The following VEPH1 variants were observed in gnomAD, a reference collection of about 807,000 sequenced individuals.
The protein encoded by VEPH1 is ventricular zone expressed PH domain containing 1.
A neutral mutation model predicts 85.2 loss-of-function variants in VEPH1; 80 were observed. That is an observed-to-expected ratio of 0.94 (90% CI 0.78 to 1.13). The LOEUF is 1.13. VEPH1 is among the 50% of genes most tolerant of loss of function. The pLI, the probability that VEPH1 is intolerant of heterozygous loss-of-function variation, is 0.00. For missense variants in VEPH1, 955 were observed against 980.5 expected, an observed-to-expected ratio of 0.97 and a Z score of 0.35; for synonymous variants, 297 against 348.0, an observed-to-expected ratio of 0.85 and a Z score of 1.63.
chr3:157,493,634 T>C (rs1739413282), intron 2 of VEPH1, among the ~76,000 whole-genome samples: 1 of 152,114 alleles, frequency 6.6e-6, no homozygotes, highest in Non-Finnish European at 1.5e-5. Context: ...GAACTCCTGG[T>C]AGAGTGAGAT....
chr3:157,336,802 G>A (rs1005908890), intron 9 of VEPH1, among the ~76,000 whole-genome samples: 4 of 152,180 alleles, frequency 2.6e-5, no homozygotes, highest in African/African-American at 9.7e-5. Context: ...TTTAAACAAA[G>A]TTTTATTGGA....
intron 7 of VEPH1, among the ~76,000 whole-genome samples, chr3:157,374,538 T>C (rs542473637): frequency 1.3e-5 from 2 of 152,240 alleles, no homozygotes; most frequent in Non-Finnish European, 2.9e-5. Context: ...TTTCCTTCCA[T>C]AGAGCATGGG....
chr3:157,357,288 G>T (rs1725548704), intron 9 of VEPH1, among the ~76,000 whole-genome samples: 1 of 152,122 alleles, frequency 6.6e-6, no homozygotes. Flanking sequence ...GCATTTCAAG[G>T]TTTGAGATGA....
intron 2 of VEPH1, among the ~76,000 whole-genome samples, chr3:157,472,400 C>G (rs932543988): frequency 6.6e-6 from 1 of 152,172 alleles, no homozygotes; most frequent in Non-Finnish European, 1.5e-5. Flanking sequence ...TAATTCATTT[C>G]CTAGTAATTG....
At chr3:157,391,635 G>A (rs575324020) in intron 6 of VEPH1, among the ~76,000 whole-genome samples, 1 of 152,272 alleles carries the variant, frequency 6.6e-6, no homozygotes, top group South Asian at 2.1e-4. Flanking sequence ...GATAAAGAAG[G>A]AGAAAAAGTA....
Position 157,274,154 on chromosome 3 carries a change from A to T in VEPH1, c.2129-8492T>A, listed in dbSNP as rs751599994. On this transcript the variant is annotated intron_variant, in intron 12 of 13. Transcript: ENST00000362010. ...GAAGCCATACATCCCCGTGAGGATT[A>T]CATGCACCATAAATGAAAGCACATA... 4.6e-5 allele frequency among the ~76,000 whole-genome samples: 7 copies of T among 152,336 alleles called. 1 individual carries two copies. In the Middle Eastern group the frequency reaches 0.017, roughly 370 times the overall value.
Position 157,446,763 on chromosome 3 carries a change from A to G in VEPH1, c.529+13418T>C, listed in dbSNP as rs16827660. Among the ~76,000 whole-genome samples the G allele has an allele frequency of 4.5e-3, 678 of 152,276 alleles. 5 individuals are homozygous for G. Among genetic ancestry groups the G allele is most frequent in the South Asian group, 0.02 (96 of 4,818 alleles). The stretch of plus-strand genomic sequence containing the variant: ...GTATTCTTGGATTCAGTGAACATGA[A>G]CACTCCTATCGTTGATCCTTGCATC... On this transcript the variant is annotated intron_variant, in intron 4 of 13. Coordinates refer to ENST00000362010, the MANE Select transcript of VEPH1 (RefSeq NM_001167912.2).
At chr3:157,465,039 A>C (rs2109404861) in intron 3 of VEPH1, among the ~76,000 whole-genome samples, 1 of 152,318 alleles carries the variant, frequency 6.6e-6, no homozygotes, top group Non-Finnish European at 1.5e-5. Flanking sequence ...AATAGGGAGC[A>C]GGTCTCAGGA....
At chr3:157,397,662 AT>A (rs561541621) in intron 6 of VEPH1, among the ~76,000 whole-genome samples, 113 of 152,074 alleles carry the variant, frequency 7.4e-4, no homozygotes, top group African/African-American at 2.6e-3. Flanking sequence ...ATTCCTAGGT[AT>A]TTTATTCTCT....
chr3:157,391,567 G>T (rs541548566), intron 6 of VEPH1, among the ~76,000 whole-genome samples: 13 of 152,302 alleles, frequency 8.5e-5, no homozygotes, highest in African/African-American at 3.1e-4. Context: ...AAAGACTCAG[G>T]TCAGAGTCTT....
At chr3:157,283,751 C>T (rs1452633495) in intron 12 of VEPH1, among the ~76,000 whole-genome samples, 1 of 152,148 alleles carries the variant, frequency 6.6e-6, no homozygotes, top group Non-Finnish European at 1.5e-5. Context: ...TGTTTTATTC[C>T]TCATTTATGG....
Position 157,364,381 on chromosome 3 carries a change from C to T in VEPH1, c.1259G>A (p.Ser420Asn), listed in dbSNP as rs377759596. The change falls in exon 8 of 14, where the codon AGC becomes AAC. Residue 420 changes from serine (S) to asparagine (N), a missense_variant. Coordinates refer to ENST00000362010, the MANE Select transcript of VEPH1 (RefSeq NM_001167912.2). ...TCTTCTGATAGAGCCAGGGGTATTG[C>T]TCCCTGCATTTATCTTGTCTTCAAA... Reference protein sequence around the residue: ...QAFEDKINAGSNTPGSIRRYS... With the variant: ...QAFEDKINAGNNTPGSIRRYS... 1.4e-5 allele frequency: 22 copies of T among 1,613,880 alleles called. No individual in the cohort carries two copies. The highest frequency in any genetic ancestry group is 1.8e-5 in the Non-Finnish European group (21 of 1,179,934).
intron 9 of VEPH1, among the ~76,000 whole-genome samples, chr3:157,317,496 T>A (rs1720871877): frequency 1.3e-5 from 2 of 152,234 alleles, no homozygotes; most frequent in African/African-American, 4.8e-5. Context: ...ATCATTTTCA[T>A]CTGATGGGAT....
chr3:157,501,504 C>T (rs1280597882), intron 1 of VEPH1, among the ~76,000 whole-genome samples: 1 of 152,144 alleles, frequency 6.6e-6, no homozygotes, highest in Non-Finnish European at 1.5e-5. Context: ...TCCAGGGCTC[C>T]AGCTACTTTC....
intron 12 of VEPH1, among the ~76,000 whole-genome samples, chr3:157,279,688 C>T (rs576497463): frequency 3.3e-4 from 50 of 152,138 alleles, no homozygotes; most frequent in South Asian, 1.0e-3. Flanking sequence ...ATATGACCAT[C>T]CTTTGATGAC....
chr3:157,381,382 A>G lies in VEPH1; in HGVS notation c.907-6T>C, dbSNP rs765357397. The G allele has an allele frequency of 1.8e-5, 29 of 1,613,052 alleles. No individual in the cohort carries two copies. Among genetic ancestry groups the G allele is most frequent in the Middle Eastern group, 1.6e-4 (1 of 6,082 alleles). ...AGGCAGCTCCTGGCTCTCTCCTACCAAAAACAATGAAGAAAATAGGTTTAT... is the reference window on the plus strand; with the variant it reads ...AGGCAGCTCCTGGCTCTCTCCTACCGAAAACAATGAAGAAAATAGGTTTAT... On this transcript the variant is annotated splice_polypyrimidine_tract_variant and splice_region_variant and intron_variant, in intron 6 of 13. Transcript: ENST00000362010.
chr3:157,468,752 T>C (rs759360806), intron 3 of VEPH1, among the ~76,000 whole-genome samples: 3 of 152,136 alleles, frequency 2.0e-5, no homozygotes, highest in Non-Finnish European at 2.9e-5. Flanking sequence ...ACTAGAATTT[T>C]TTTCCTTTTT....
intron 9 of VEPH1, among the ~76,000 whole-genome samples, chr3:157,358,763 C>T (rs62278596): frequency 0.23 from 35,680 of 152,080 alleles, 4,918 homozygotes; most frequent in Admixed American, 0.43. Flanking sequence ...TTTGGGAGGC[C>T]GAGATGGGCG....
At chr3:157,385,963 AAT>A (rs1320062540) in intron 6 of VEPH1, among the ~76,000 whole-genome samples, 1 of 152,170 alleles carries the variant, frequency 6.6e-6, no homozygotes, top group African/African-American at 2.4e-5. Context: ...TTCATTATAT[AAT>A]ATAAAAAACA....
Sources: allele counts gnomAD v4.1 joint callset (sites outside exome capture counted in the v4.1 genomes callset), GRCh38; gene constraint gnomAD v4.1.1; transcripts MANE v1.5; gene names NCBI Gene and HGNC (gene_info 2026-07-23, HGNC 2026-07-21).